Variants in PTPN14 observed in about 807,000 individuals in gnomAD.
PTPN14 encodes the protein protein tyrosine phosphatase non-receptor type 14.
In PTPN14, 53 loss-of-function variants were observed where a neutral mutation model predicts 126.8. The observed-to-expected ratio is 0.42, with a 90% CI of 0.34 to 0.53. PTPN14 has a LOEUF of 0.53. Ranked by LOEUF, PTPN14 falls within the 20% of genes least tolerant of loss-of-function variation. PTPN14 has a pLI of 0.08. For synonymous variants in PTPN14, 630 were observed against 599.3 expected, an observed-to-expected ratio of 1.05 and a Z score of -0.75; for missense variants, 1,257 against 1,552.9, an observed-to-expected ratio of 0.81 and a Z score of 3.20.
chr1:214,470,835 G>A (rs1345104761), intron 1 of PTPN14, among the ~76,000 whole-genome samples: 4 of 138,550 alleles, frequency 2.9e-5, no homozygotes, highest in Admixed American at 7.6e-5. Flanking sequence ...CCAACATGGC[G>A]AAACCCCATC....
At chr1:214,441,198 G>A (rs1660030471) in intron 3 of PTPN14, among the ~76,000 whole-genome samples, 1 of 152,160 alleles carries the variant, frequency 6.6e-6, no homozygotes, top group African/African-American at 2.4e-5. Context: ...CCACTTTATA[G>A]AGTTCTAGTG....
At chr1:214,421,128 C>G (rs1339572745) in intron 3 of PTPN14, among the ~76,000 whole-genome samples, 1 of 151,992 alleles carries the variant, frequency 6.6e-6, no homozygotes, top group Non-Finnish European at 1.5e-5. Flanking sequence ...TTCACAACAG[C>G]CAAAAAGAGG....
intron 17 of PTPN14, among the ~76,000 whole-genome samples, chr1:214,366,819 T>C (rs1296910849): frequency 1.3e-5 from 2 of 151,976 alleles, no homozygotes; most frequent in African/African-American, 2.4e-5. Flanking sequence ...CCGTCTCTAC[T>C]AAAAATACAA....
intron 18 of PTPN14, among the ~76,000 whole-genome samples, chr1:214,363,207 G>A (rs1318751169): frequency 1.3e-5 from 2 of 152,266 alleles, no homozygotes; most frequent in Non-Finnish European, 1.5e-5. Flanking sequence ...TTCTAACATT[G>A]GGCTACAGTT....
intron 13 of PTPN14, among the ~76,000 whole-genome samples, chr1:214,381,140 G>C (rs1348265664): frequency 6.6e-6 from 1 of 152,196 alleles, no homozygotes; most frequent in South Asian, 2.1e-4. Context: ...ATAATGCAAG[G>C]AGCTCTAAGG....
intron 3 of PTPN14, among the ~76,000 whole-genome samples, chr1:214,427,582 C>A (rs1282223947): frequency 6.6e-6 from 1 of 152,094 alleles, no homozygotes; most frequent in East Asian, 1.9e-4. Flanking sequence ...ATTCTAGGCA[C>A]TAGGGATATC....
intron 6 of PTPN14, among the ~76,000 whole-genome samples, chr1:214,402,437 CAAAAAA>C (rs1165595746): frequency 0.23 from 11,096 of 48,092 alleles, 745 homozygotes; most frequent in Middle Eastern, 0.38. Context: ...GAGACTCTGT[CAAAAAA>C]AAAAAAAAAA....
At chr1:214,547,540 T>C (rs1656002324) in intron 1 of PTPN14, among the ~76,000 whole-genome samples, 1 of 152,194 alleles carries the variant, frequency 6.6e-6, no homozygotes, top group South Asian at 2.1e-4. Flanking sequence ...AAATAACCAG[T>C]GGCTGGCATT....
At chr1:214,548,147 G>A (rs1249389587) in intron 1 of PTPN14, among the ~76,000 whole-genome samples, 1 of 152,174 alleles carries the variant, frequency 6.6e-6, no homozygotes, top group Non-Finnish European at 1.5e-5. Flanking sequence ...TGCAGATGAA[G>A]AAACTGAGGC....
At position 214,369,759 on chromosome 1, in the gene PTPN14, T is replaced by C. The variant is rs1050896033; in HGVS notation, c.3037-68A>G. On this transcript the variant is annotated intron_variant, in intron 16 of 18. Transcript: ENST00000366956. ...AGCTCTCATCCTTTTAATCCTAAGA[T>C]ATGAAGACAGAAGAAAATGCAAATA... The C allele has an allele frequency of 1.3e-5, 18 of 1,391,870 alleles. No individual in the cohort carries two copies. In the African/African-American group the frequency reaches 1.4e-4, roughly 11 times the overall value. 86.2% of individuals were successfully genotyped at this position (1,391,870 alleles called of 1,614,324 possible).
Position 214,464,693 on chromosome 1 carries a change from C to G in PTPN14, c.111G>C (p.Leu37=), listed in dbSNP as rs755063354. 6.2e-7 allele frequency: 1 copy of G among 1,614,302 alleles called. No homozygotes were observed. Among genetic ancestry groups the G allele is most frequent in the Non-Finnish European group, 8.5e-7 (1 of 1,180,060 alleles). The change falls in exon 2 of 19, where the codon CTG becomes CTC. Residue 37 remains leucine, a synonymous_variant. Transcript: ENST00000366956. The stretch of plus-strand genomic sequence containing the variant: ...ATTCTTGCCCTGTGCTTTCCACCGA[C>G]AGCGTGCACTCGATAACATTGCTGT... ...LLDSNVIECT[L]SVESTGQECL...
At chr1:214,470,887 T>G (rs1218519685) in intron 1 of PTPN14, among the ~76,000 whole-genome samples, 1 of 150,174 alleles carries the variant, frequency 6.7e-6, no homozygotes, top group Non-Finnish European at 1.5e-5. Context: ...TAGCCGGGCA[T>G]GGTGGCAGGT....
chr1:214,355,972 T>G lies in PTPN14; in HGVS notation c.*1950A>C, dbSNP rs1182343539. The G allele has an allele frequency of 6.7e-6, 1 of 149,978 alleles. No homozygotes were observed. Among genetic ancestry groups the G allele is most frequent in the East Asian group, 1.9e-4 (1 of 5,166 alleles). The allele number at this position is 149,978 out of a possible 1,614,324, so 9.3% of individuals were successfully genotyped here. A position where few individuals can be genotyped will look rare whatever the true frequency, so the allele number is the denominator to read the frequency against. On this transcript the variant is annotated 3_prime_UTR_variant, in exon 19 of 19. Transcript: ENST00000366956. ...CAACCTTTTTTCCTTTTTTTTTTTT[T>G]TTTTTGGAGGCAGGGTCTCTCCGTA...
chr1:214,396,706 A>G (rs1205526616), intron 8 of PTPN14, among the ~76,000 whole-genome samples: 2 of 152,314 alleles, frequency 1.3e-5, no homozygotes, highest in African/African-American at 4.8e-5. Context: ...ATGCTCATGA[A>G]ATTTCCAAAT....
At chr1:214,388,001 C>G (rs1658662332) in intron 11 of PTPN14, among the ~76,000 whole-genome samples, 1 of 152,172 alleles carries the variant, frequency 6.6e-6, no homozygotes, top group Admixed American at 6.5e-5. Context: ...GTCTACCCAC[C>G]ACCGCAGTGC....
intron 1 of PTPN14, among the ~76,000 whole-genome samples, chr1:214,490,807 A>G (rs1417673807): frequency 7.3e-6 from 1 of 137,336 alleles, no homozygotes; most frequent in East Asian, 2.4e-4. Context: ...ACTGCACTCC[A>G]GCCTGGGTGA....
Position 214,395,002 on chromosome 1 carries a change from G to A in PTPN14, c.759-16C>T. ...GTCATTCCACCTGGTTAGAAGAAAT[G>A]TCACTGTGTTTACTCAACAATGTTC... On this transcript the variant is annotated splice_polypyrimidine_tract_variant and intron_variant, in intron 8 of 18. Coordinates refer to ENST00000366956, the MANE Select transcript of PTPN14 (RefSeq NM_005401.5). The A allele has an allele frequency of 6.3e-7, 1 of 1,592,726 alleles. No homozygotes were observed. Among genetic ancestry groups the A allele is most frequent in the East Asian group, 2.2e-5 (1 of 44,752 alleles).
intron 1 of PTPN14, among the ~76,000 whole-genome samples, chr1:214,544,717 C>T (rs1256214512): frequency 1.3e-5 from 2 of 151,722 alleles, no homozygotes; most frequent in African/African-American, 2.4e-5. Flanking sequence ...CACCACTGCA[C>T]TCCAGCCTGG....
chr1:214,368,443 C>T (rs912289005), intron 17 of PTPN14, among the ~76,000 whole-genome samples: 107 of 152,058 alleles, frequency 7.0e-4, no homozygotes, highest in Non-Finnish European at 1.3e-3. Context: ...TCGGGTGATC[C>T]GCCCACCTCG....
Sources: allele counts gnomAD v4.1 joint callset (sites outside exome capture counted in the v4.1 genomes callset), GRCh38; gene constraint gnomAD v4.1.1; transcripts MANE v1.5; gene names NCBI Gene and HGNC (gene_info 2026-07-23, HGNC 2026-07-21).